Variants in KCNMA1 observed in about 807,000 individuals in gnomAD.
The protein encoded by KCNMA1 is potassium calcium-activated channel subfamily M alpha 1.
KCNMA1 carries 29 observed loss-of-function variants against 140.0 expected under a neutral mutation model. The observed-to-expected ratio is 0.21, with a 90% CI of 0.15 to 0.28. The LOEUF (loss-of-function observed/expected upper bound fraction) is 0.28. Among genes scored for constraint, KCNMA1 ranks in the 10% least tolerant of loss-of-function variants. The pLI is 1.00. For missense variants in KCNMA1, 880 were observed against 1,602.2 expected (o/e 0.55, Z 7.70); for synonymous variants, 612 against 611.9 (o/e 1.00, Z 0.00).
intron 1 of KCNMA1, among the ~76,000 whole-genome samples, chr10:77,610,047 C>T (rs1258180887): frequency 6.6e-6 from 1 of 152,196 alleles, no homozygotes; most frequent in Admixed American, 6.5e-5. Context: ...CACCCTGTTC[C>T]CACCCTGCAC....
intron 19 of KCNMA1, chr10:76,974,448 A>G (rs1450168845): frequency 1.8e-6 from 2 of 1,136,716 alleles, no homozygotes; most frequent in South Asian, 1.3e-5. Flanking sequence ...GCTGCAGGGT[A>G]GTTATTAAAA....
At chr10:76,916,649 G>A (rs983397578) in intron 23 of KCNMA1, among the ~76,000 whole-genome samples, 1 of 152,132 alleles carries the variant, frequency 6.6e-6, no homozygotes, top group African/African-American at 2.4e-5. Flanking sequence ...AAAGTCACTT[G>A]CTAAATTTCC....
chr10:77,067,861 T>C (rs919630967), intron 14 of KCNMA1, among the ~76,000 whole-genome samples: 1 of 152,206 alleles, frequency 6.6e-6, no homozygotes, highest in Non-Finnish European at 1.5e-5. Context: ...CAGAGCTTCC[T>C]AGACCTAAGG....
intron 1 of KCNMA1, among the ~76,000 whole-genome samples, chr10:77,600,898 C>T (rs2082429668): frequency 6.6e-6 from 1 of 152,170 alleles, no homozygotes; most frequent in Admixed American, 6.5e-5. Flanking sequence ...AAGCTCACTC[C>T]ACTCCACCAC....
chr10:77,102,171 T>C (rs2153829216), intron 9 of KCNMA1, among the ~76,000 whole-genome samples: 1 of 152,316 alleles, frequency 6.6e-6, no homozygotes, highest in African/African-American at 2.4e-5. Flanking sequence ...TGACTCGTGT[T>C]AATTCCTTTA....
intron 1 of KCNMA1, among the ~76,000 whole-genome samples, chr10:77,443,821 CT>C (rs2154514713): frequency 6.6e-6 from 1 of 152,248 alleles, no homozygotes; most frequent in Admixed American, 6.5e-5. Flanking sequence ...AAAATATCTT[CT>C]GCAGAAATAA....
chr10:76,945,001 G>C, intron 22 of KCNMA1, 36 bp from the exon 23 acceptor site: 13 of 1,563,444 alleles, frequency 8.3e-6, no homozygotes, highest in Middle Eastern at 3.4e-4. Context: ...AACAGAGATG[G>C]GGGGAGAAAG....
chr10:77,283,213 T>C (rs1174888047), intron 2 of KCNMA1, among the ~76,000 whole-genome samples: 1 of 152,258 alleles, frequency 6.6e-6, no homozygotes, highest in African/African-American at 2.4e-5. Context: ...ATGTCCATTT[T>C]CTTTCTTCAC....
intron 24 of KCNMA1, chr10:76,914,079 G>A (rs2051580685): frequency 1.3e-6 from 2 of 1,550,322 alleles, no homozygotes; most frequent in Non-Finnish European, 1.7e-6. Flanking sequence ...TCATTAGAAT[G>A]TGCGTCCCAC....
chr10:76,950,076 T>G (rs193100213), intron 21 of KCNMA1, among the ~76,000 whole-genome samples: 1 of 152,212 alleles, frequency 6.6e-6, no homozygotes, highest in Non-Finnish European at 1.5e-5. Flanking sequence ...TAAAGTTGTA[T>G]TGGAATGCAG....
intron 1 of KCNMA1, among the ~76,000 whole-genome samples, chr10:77,442,360 A>G (rs2097424993): frequency 6.7e-6 from 1 of 149,442 alleles, no homozygotes; most frequent in African/African-American, 2.5e-5. Context: ...GACCCCCGCC[A>G]CCTCCCCATC....
chr10:77,605,688 C>A (rs544296374), intron 1 of KCNMA1, among the ~76,000 whole-genome samples: 11 of 152,344 alleles, frequency 7.2e-5, no homozygotes, highest in African/African-American at 2.6e-4. Context: ...GGTGACAGGG[C>A]GCCATCTCCT....
At chr10:77,516,119 T>G (rs2050328590) in intron 1 of KCNMA1, among the ~76,000 whole-genome samples, 1 of 152,120 alleles carries the variant, frequency 6.6e-6, no homozygotes, top group East Asian at 1.9e-4. Flanking sequence ...TCCAGGGGCT[T>G]CAGAGGATCA....
intron 1 of KCNMA1, among the ~76,000 whole-genome samples, chr10:77,438,578 AC>A (rs1317726025): frequency 6.6e-6 from 1 of 151,668 alleles, no homozygotes; most frequent in African/African-American, 2.4e-5. Flanking sequence ...AAAAAAAAAA[AC>A]AAAGAAGTAC....
At chr10:77,031,977 A>C (rs971210299) in intron 15 of KCNMA1, among the ~76,000 whole-genome samples, 1 of 152,204 alleles carries the variant, frequency 6.6e-6, no homozygotes, top group African/African-American at 2.4e-5. Context: ...CTTGGAAGTG[A>C]GTATAGAATC....
intron 6 of KCNMA1, among the ~76,000 whole-genome samples, chr10:77,120,396 T>C (rs904112345): frequency 5.3e-5 from 8 of 152,148 alleles, no homozygotes; most frequent in African/African-American, 1.7e-4. Flanking sequence ...AGGAGGTTTG[T>C]AGGTTTTCCC....
chr10:77,449,608 T>G (rs1483250471), intron 1 of KCNMA1, among the ~76,000 whole-genome samples: 1 of 151,866 alleles, frequency 6.6e-6, no homozygotes, highest in Non-Finnish European at 1.5e-5. Context: ...TTACTTTTAT[T>G]TCATTTCACT....
intron 2 of KCNMA1, among the ~76,000 whole-genome samples, chr10:77,273,358 GA>G (rs951084023): frequency 1.3e-5 from 2 of 151,748 alleles, no homozygotes; most frequent in Middle Eastern, 3.4e-3. Flanking sequence ...CATTTGAAGG[GA>G]AAAAAAATCC....
intron 14 of KCNMA1, among the ~76,000 whole-genome samples, chr10:77,046,530 T>C (rs1033405433): frequency 6.6e-6 from 1 of 152,198 alleles, no homozygotes; most frequent in East Asian, 1.9e-4. Flanking sequence ...CTCAACAGCA[T>C]GCTCTGTCAA....
Sources: allele counts gnomAD v4.1 joint callset (sites outside exome capture counted in the v4.1 genomes callset), GRCh38; gene constraint gnomAD v4.1.1; transcripts MANE v1.5; gene names NCBI Gene and HGNC (gene_info 2026-07-23, HGNC 2026-07-21).